SAMD4B: variants seen among roughly 807,000 people sequenced by gnomAD.
The protein encoded by SAMD4B is protein Smaug homolog 2.
A neutral mutation model predicts 74.5 loss-of-function variants in SAMD4B; 5 were observed. The observed-to-expected ratio is 0.07, with a 90% CI of 0.04 to 0.14. The LOEUF (loss-of-function observed/expected upper bound fraction) is 0.14, where lower values mean the gene tolerates loss of function less well. Among genes scored for constraint, SAMD4B ranks in the 10% least tolerant of loss-of-function variants. The pLI is 1.00. For missense variants in SAMD4B, 608 were observed against 921.8 expected (o/e 0.66, Z 4.41); for synonymous variants, 373 against 374.9 (o/e 1.00, Z 0.06).
downstream of SAMD4B, chr19:39,386,000 G>A: frequency 6.2e-7 from 1 of 1,613,574 alleles, no homozygotes; most frequent in Non-Finnish European, 8.5e-7. Flanking sequence ...CTCAGTCACT[G>A]TCACTATCAG....
chr19:39,343,896 A>G (rs1435307371), intron 1 of SAMD4B, among the ~76,000 whole-genome samples: 1 of 150,718 alleles, frequency 6.6e-6, no homozygotes, highest in Non-Finnish European at 1.5e-5. Context: ...GACCGGTTTT[A>G]GAGGAATTTT....
rs1268081784 is a variant in SAMD4B at position 39,342,517 on chromosome 19, C to A, written c.-326C>A. On this transcript the variant is annotated 5_prime_UTR_variant, in exon 1 of 14. Transcript: ENST00000610417. ...AGCTTGCGGGCCCGAGAGGGGGCGA[C>A]GGCGGCGGCGGTGGCCTGAGGAGGC... is the stretch of plus-strand genomic sequence containing the variant. The A allele has an allele frequency of 2.3e-5, 4 of 171,340 alleles. No individual in the cohort carries two copies. The highest frequency in any genetic ancestry group is 1.9e-4 in the Admixed American group (3 of 15,488). The allele number at this position is 171,340 out of a possible 1,614,324, so 10.6% of individuals were successfully genotyped here.
At chr19:39,364,007 T>C (rs985817093) in intron 3 of SAMD4B, among the ~76,000 whole-genome samples, 4 of 152,230 alleles carry the variant, frequency 2.6e-5, no homozygotes, top group East Asian at 1.9e-4. Context: ...GTTCCAGTGC[T>C]CACTGATGCT....
chr19:39,376,872 C>T (rs1039009462), intron 7 of SAMD4B, 81 bp downstream of exon 7: 4 of 1,234,224 alleles, frequency 3.2e-6, no homozygotes, highest in South Asian at 1.3e-5. Flanking sequence ...AGTTGGCCTC[C>T]AGACTCCTCG....
chr19:39,384,057 A>G lies in SAMD4B; in HGVS notation c.*530A>G, dbSNP rs778235797. ...CTCCTCTCCCTGCTTCCCCTTCACC[A>G]TTCCCCACATTCTGCAAGGACAGGA... On this transcript the variant is annotated 3_prime_UTR_variant, in exon 14 of 14. Transcript: ENST00000610417. 8 of 350,906 alleles carry G rather than the reference A, an allele frequency of 2.3e-5. No homozygotes were observed. The highest frequency in any genetic ancestry group is 4.2e-5 in the Non-Finnish European group (8 of 192,034). 21.7% of individuals were successfully genotyped at this position (350,906 alleles called of 1,614,324 possible).
chr19:39,385,999 T>TGTCA (rs755302790), downstream of SAMD4B: 2 of 1,613,634 alleles, frequency 1.2e-6, no homozygotes, highest in Non-Finnish European at 1.7e-6. Flanking sequence ...ACTCAGTCAC[T>TGTCA]GTCACTATCA....
intron 11 of SAMD4B, 98 bp from the exon 12 acceptor site, chr19:39,380,892 G>A (rs1269365747): frequency 1.7e-5 from 26 of 1,517,202 alleles, no homozygotes; most frequent in East Asian, 2.3e-5. Flanking sequence ...TAGAGGTGGC[G>A]GGGGTGGGAG....
chr19:39,344,697 TC>T (rs2075583791), intron 1 of SAMD4B, among the ~76,000 whole-genome samples: 1 of 152,008 alleles, frequency 6.6e-6, no homozygotes, highest in South Asian at 2.1e-4. Context: ...CCTTCAGAGG[TC>T]CCCAACATTC....
Position 39,385,118 on chromosome 19 carries a change from G to A in SAMD4B, c.*1591G>A, listed in dbSNP as rs1365144158. 1 of 153,982 alleles carries A rather than the reference G, an allele frequency of 6.5e-6. No homozygotes were observed. The highest frequency in any genetic ancestry group is 2.4e-5 in the African/African-American group (1 of 41,454). 9.5% of individuals were successfully genotyped at this position (153,982 alleles called of 1,614,324 possible). ...AGTGCCGGGCTGGGTGGGGTGTCAG[G>A]TTTATTTATGTACCTCTTGCACACT... On this transcript the variant is annotated 3_prime_UTR_variant, in exon 14 of 14. Transcript: ENST00000610417.
At chr19:39,367,142 C>T (rs777959634) in intron 3 of SAMD4B, among the ~76,000 whole-genome samples, 4 of 152,206 alleles carry the variant, frequency 2.6e-5, no homozygotes, top group Admixed American at 2.0e-4. Context: ...CCCAGAGTCA[C>T]ATGGCCAGTA....
chr19:39,377,766 C>T lies in SAMD4B; in HGVS notation c.1386C>T (p.Ala462=), dbSNP rs2077693218. 1 of 1,613,676 alleles carries T rather than the reference C, an allele frequency of 6.2e-7. No homozygotes were observed. The highest frequency in any genetic ancestry group is 8.5e-7 in the Non-Finnish European group (1 of 1,179,702). Residue 462 remains alanine, a synonymous_variant, in exon 8 of 14, where the codon GCC becomes GCT. Transcript: ENST00000610417. ...CTCCCACTGATGGCAGTGAGCCTGC[C>T]CCGGCTCCCGTCGCCGACGGAGACA... The part of the protein sequence containing the change: ...APAPTDGSEP[A]PAPVADGDIP...
Position 39,370,200 on chromosome 19 carries a change from G to A in SAMD4B, c.667+75G>A, listed in dbSNP as rs368771992. On this transcript the variant is annotated intron_variant, in intron 4 of 13. Coordinates refer to ENST00000610417, the MANE Select transcript of SAMD4B (RefSeq NM_001384574.2). ...GACTAGGCTCAGTGAGAGCTCTCTC[G>A]CTCTGTGGCATTAGACAAGTCACAT... 93 of 1,365,472 alleles carry A rather than the reference G, an allele frequency of 6.8e-5. 1 individual carries two copies. Among genetic ancestry groups the A allele is most frequent in the African/African-American group, 6.0e-4 (42 of 69,580 alleles). The allele number at this position is 1,365,472 out of a possible 1,614,324, so 84.6% of individuals were successfully genotyped here. A position where few individuals can be genotyped will look rare whatever the true frequency, so the allele number is the denominator to read the frequency against.
At chr19:39,368,940 G>A (rs1233656246) in intron 3 of SAMD4B, among the ~76,000 whole-genome samples, 1 of 152,178 alleles carries the variant, frequency 6.6e-6, no homozygotes, top group Non-Finnish European at 1.5e-5. Context: ...ATATACCACT[G>A]CCTTCTCCAT....
downstream of SAMD4B, chr19:39,386,301 C>T (rs756728068): frequency 3.7e-6 from 6 of 1,614,190 alleles, no homozygotes; most frequent in South Asian, 1.1e-5. This position sits in a 1 kb window ranked among gnomAD's most constrained non-coding sequence, Gnocchi z 6.1. Context: ...ACTCTTGTCA[C>T]TGGCCTCGTC....
chr19:39,387,296 C>T (rs138432417), downstream of SAMD4B: 265 of 310,970 alleles, frequency 8.5e-4, no homozygotes, highest in African/African-American at 4.8e-3. Context: ...AGTAAAGATA[C>T]GGTATTCTAT....
chr19:39,366,389 T>G (rs1307324417), intron 3 of SAMD4B, among the ~76,000 whole-genome samples: 2 of 151,878 alleles, frequency 1.3e-5, no homozygotes, highest in Admixed American at 1.3e-4. Flanking sequence ...GAGAATCACT[T>G]TAACCCGGAG....
At chr19:39,355,612 G>A (rs1011931231) in intron 2 of SAMD4B, among the ~76,000 whole-genome samples, 3 of 152,198 alleles carry the variant, frequency 2.0e-5, no homozygotes, top group African/African-American at 7.2e-5. Flanking sequence ...AAGAGAGACA[G>A]ATGGAAGAAA....
In SAMD4B at chr19:39,375,759, G is replaced by A. The variant is rs1201948909; in HGVS notation, c.777G>A (p.Arg259=). ...CGAGTCCAGAGGAGCTTGGGGCCCG[G>A]GCTGCTTTTACCACGCCCGATCACG... ...EWPSPEELGA[R]AAFTTPDHAP... The change falls in exon 5 of 14, where the codon CGG becomes CGA. Residue 259 remains arginine (R), a synonymous_variant. Transcript: ENST00000610417. The surrounding 1 kb of genome is among the most constrained non-coding windows in gnomAD (Gnocchi z 4.1). 2 of 1,614,024 alleles carry A rather than the reference G, an allele frequency of 1.2e-6. No homozygotes were observed. Among genetic ancestry groups the A allele is most frequent in the African/African-American group, 2.7e-5 (2 of 74,902 alleles).
At chr19:39,367,148 C>T (rs1323683178) in intron 3 of SAMD4B, among the ~76,000 whole-genome samples, 1 of 152,154 alleles carries the variant, frequency 6.6e-6, no homozygotes, top group African/African-American at 2.4e-5. Flanking sequence ...GTCACATGGC[C>T]AGTAAGTGGT....
Sources: gnomAD v4.1 joint callset for allele counts (sites outside exome capture counted in the v4.1 genomes callset) on GRCh38, gnomAD v4.1.1 for gene constraint, Gnocchi (gnomAD v3.1) non-coding constraint, MANE v1.5 for transcripts, NCBI Gene and HGNC (gene_info 2026-07-23, HGNC 2026-07-21) for gene names.